ATP6V1C2: variants seen among roughly 807,000 people sequenced by gnomAD.
ATP6V1C2 encodes the protein V-type proton ATPase subunit C 2.
A neutral mutation model predicts 56.8 loss-of-function variants in ATP6V1C2; 45 were observed. The observed-to-expected ratio is 0.79, with a 90% CI of 0.62 to 1.02. The LOEUF (loss-of-function observed/expected upper bound fraction) is 1.02, where lower values mean the gene tolerates loss of function less well. ATP6V1C2 is among the 50% of genes least tolerant of loss of function. The pLI, the probability that ATP6V1C2 is intolerant of heterozygous loss-of-function variation, is 0.00. For synonymous variants in ATP6V1C2, 220 were observed against 201.3 expected, an observed-to-expected ratio of 1.09 and a Z score of -0.79; for missense variants, 463 against 519.7, an observed-to-expected ratio of 0.89 and a Z score of 1.06.
intron 2 of ATP6V1C2, among the ~76,000 whole-genome samples, chr2:10,725,854 C>G (rs1417060729): frequency 6.6e-6 from 1 of 151,644 alleles, no homozygotes; most frequent in Non-Finnish European, 1.5e-5. Context: ...CCAAGGCAGG[C>G]AGATCACCTG....
chr2:10,735,354 G>A (rs1420124799), intron 3 of ATP6V1C2, among the ~76,000 whole-genome samples: 3 of 151,974 alleles, frequency 2.0e-5, no homozygotes, highest in African/African-American at 7.3e-5. Context: ...GTTTTTAGTG[G>A]AGATGAGGTT....
rs55703662 is a variant in ATP6V1C2 at position 10,763,003 on chromosome 2, T to G, written c.284-1328T>G. 0.025 allele frequency among the ~76,000 whole-genome samples: 3,794 copies of G among 152,154 alleles called. 160 individuals are homozygous for G. The highest frequency in any genetic ancestry group is 0.087 in the African/African-American group (3,596 of 41,502). ...TGCCCTTGGTCAGCTGGAGTCTTGT[T>G]TGGTGACCCCACTGGGCGCTGCTGT... On this transcript the variant is annotated intron_variant, in intron 4 of 13. Coordinates refer to ENST00000272238, the MANE Select transcript of ATP6V1C2 (RefSeq NM_001039362.2). This position sits in a 1 kb window ranked among gnomAD's most constrained non-coding sequence, Gnocchi z 4.2.
In ATP6V1C2 at chr2:10,777,041, G is replaced by A. The variant is rs556018381; in HGVS notation, c.826-544G>A. Among the ~76,000 whole-genome samples the A allele has an allele frequency of 6.6e-5, 10 of 152,350 alleles. No homozygotes were observed. In the East Asian group the frequency reaches 1.7e-3, roughly 26 times the overall value. The stretch of plus-strand genomic sequence containing the variant: ...ACCAGAGGGACAGACCAGGCCCTGG[G>A]GTTTGAGTGTACTTTGAGAGCAGAG... On this transcript the variant is annotated intron_variant, in intron 10 of 13. Transcript: ENST00000272238.
At chr2:10,729,881 A>G (rs1461583525) in intron 3 of ATP6V1C2, among the ~76,000 whole-genome samples, 2 of 152,110 alleles carry the variant, frequency 1.3e-5, no homozygotes, top group African/African-American at 2.4e-5. Flanking sequence ...AGCATTCCCC[A>G]GGGGCTGGGT....
chr2:10,775,056 TAAG>T lies in ATP6V1C2; in HGVS notation c.814_816del (p.Lys272del). On this transcript the variant is annotated inframe_deletion, in exon 10 of 14. Transcript: ENST00000272238. The stretch of plus-strand genomic sequence containing the variant: ...AGGAGATGGCCAGATTGCTGTCTGA[TAAG>T]AAGCAACAGTATGTGAGTATGTGAT... 1 of 1,613,666 alleles carries T rather than the reference TAAG, an allele frequency of 6.2e-7. No individual in the cohort carries two copies. Among genetic ancestry groups the T allele is most frequent in the Non-Finnish European group, 8.5e-7 (1 of 1,179,718 alleles).
At chr2:10,740,577 G>A (rs1662494466) in intron 3 of ATP6V1C2, among the ~76,000 whole-genome samples, 1 of 152,188 alleles carries the variant, frequency 6.6e-6, no homozygotes, top group African/African-American at 2.4e-5. Context: ...CAAATGCTTG[G>A]GGGATTGCCC....
At chr2:10,733,709 G>A (rs780322459) in intron 3 of ATP6V1C2, among the ~76,000 whole-genome samples, 3 of 152,084 alleles carry the variant, frequency 2.0e-5, no homozygotes, top group African/African-American at 4.8e-5. Context: ...CCTGTTTTGC[G>A]GTGTTGATTG....
intron 5 of ATP6V1C2, among the ~76,000 whole-genome samples, chr2:10,766,715 T>C (rs960172743): frequency 2.0e-5 from 3 of 152,310 alleles, no homozygotes; most frequent in South Asian, 2.1e-4. Flanking sequence ...TATAGTTGTA[T>C]AGGACAGTAC....
Position 10,783,044 on chromosome 2 carries a change from T to C in ATP6V1C2, c.1195-130T>C, listed in dbSNP as rs565349294. On this transcript the variant is annotated intron_variant, in intron 13 of 13. Coordinates refer to ENST00000272238, the MANE Select transcript of ATP6V1C2 (RefSeq NM_001039362.2). The stretch of plus-strand genomic sequence containing the variant: ...ACATTAAAGCACAGCAAGGAGAGGG[T>C]TGGAGGGGTGGACCACAGCTACGCA... The C allele has an allele frequency of 1.9e-5, 12 of 641,080 alleles. 1 individual carries two copies. The highest frequency in any genetic ancestry group is 9.3e-5 in the South Asian group (5 of 54,024). 39.7% of individuals were successfully genotyped at this position (641,080 alleles called of 1,614,324 possible). A position where few individuals can be genotyped will look rare whatever the true frequency, so the allele number is the denominator to read the frequency against.
intron 3 of ATP6V1C2, among the ~76,000 whole-genome samples, chr2:10,752,621 A>G (rs1404230000): frequency 1.3e-5 from 2 of 152,238 alleles, no homozygotes; most frequent in Admixed American, 6.5e-5. Context: ...GGTTATGTCA[A>G]TATTCATAAT....
At position 10,774,934 on chromosome 2, in the gene ATP6V1C2, C is replaced by T. The variant is rs771212487; in HGVS notation, c.732-44C>T. On this transcript the variant is annotated intron_variant, in intron 9 of 13. Coordinates refer to ENST00000272238, the MANE Select transcript of ATP6V1C2 (RefSeq NM_001039362.2). ...CCCGCTGCGGGGGGTCTCTGCCCCTCTGGAAAGCTTCTGAGTGAAAACCCA... is the reference window on the plus strand; with the variant it reads ...CCCGCTGCGGGGGGTCTCTGCCCCTTTGGAAAGCTTCTGAGTGAAAACCCA... 33 of 1,611,824 alleles carry T rather than the reference C, an allele frequency of 2.0e-5. No homozygotes were observed. The East Asian group carries it at 7.1e-4, about 35-fold the overall frequency.
At position 10,768,761 on chromosome 2, in the gene ATP6V1C2, G is replaced by A. The variant is rs757975196; in HGVS notation, c.421G>A (p.Ala141Thr). The A allele has an allele frequency of 2.3e-5, 37 of 1,613,878 alleles. No homozygotes were observed. Among genetic ancestry groups the A allele is most frequent in the East Asian group, 6.7e-5 (3 of 44,888 alleles). ...GATGGACCTGAAGTCCCGAACGGCC[G>A]CCTACAACACTCTGAAGACAAACCT... Reference protein sequence around the residue: ...IEMDLKSRTAAYNTLKTNLEN... With the variant: ...IEMDLKSRTATYNTLKTNLEN... Residue 141 changes from alanine (A) to threonine (T), a missense_variant, in exon 6 of 14, where the codon GCC becomes ACC. Ala to Thr is a moderately conservative substitution (Grantham distance 58, BLOSUM62 0). Transcript: ENST00000272238.
intron 1 of ATP6V1C2, among the ~76,000 whole-genome samples, chr2:10,722,447 C>G (rs1223217540): frequency 6.6e-6 from 1 of 152,210 alleles, no homozygotes; most frequent in Non-Finnish European, 1.5e-5. Context: ...TCCACCCCAT[C>G]CTGCATCCCA....
intron 10 of ATP6V1C2, among the ~76,000 whole-genome samples, chr2:10,776,743 G>A (rs1287856761): frequency 1.3e-5 from 2 of 152,196 alleles, no homozygotes; most frequent in African/African-American, 2.4e-5. Context: ...ACCCACCTGG[G>A]CACTGGCCCA....
At chr2:10,738,892 C>T (rs1422830031) in intron 3 of ATP6V1C2, among the ~76,000 whole-genome samples, 1 of 152,176 alleles carries the variant, frequency 6.6e-6, no homozygotes, top group Non-Finnish European at 1.5e-5. Context: ...CCTGTGGGCT[C>T]CACCTCCAAA....
chr2:10,772,088 G>T lies in ATP6V1C2; in HGVS notation c.569+151G>T, dbSNP rs1358037570. On this transcript the variant is annotated intron_variant, in intron 7 of 13. Coordinates refer to ENST00000272238, the MANE Select transcript of ATP6V1C2 (RefSeq NM_001039362.2). ...ATTCCTTCATGGGGCCCTGCCTGCG[G>T]CTGTCAGTAGGGACAGTGGTTGGGT... 7.2e-6 allele frequency: 5 copies of T among 696,696 alleles called. No individual in the cohort carries two copies. The East Asian group carries it at 1.3e-4, about 18-fold the overall frequency. The allele number at this position is 696,696 out of a possible 1,614,324, so 43.2% of individuals were successfully genotyped here. A position where few individuals can be genotyped will look rare whatever the true frequency, so the allele number is the denominator to read the frequency against.
intron 4 of ATP6V1C2, among the ~76,000 whole-genome samples, chr2:10,755,086 C>T (rs527581160): frequency 2.0e-5 from 3 of 152,106 alleles, no homozygotes; most frequent in South Asian, 2.1e-4. Context: ...GGCACAATCT[C>T]GGCTCACCGC....
At chr2:10,722,292 C>T (rs989405338) in intron 1 of ATP6V1C2, among the ~76,000 whole-genome samples, 15 of 152,106 alleles carry the variant, frequency 9.9e-5, no homozygotes, top group Non-Finnish European at 8.8e-5. Flanking sequence ...TTCCCCTCAC[C>T]CCCTACTACT....
chr2:10,736,527 T>C (rs1662253820), intron 3 of ATP6V1C2, among the ~76,000 whole-genome samples: 1 of 152,208 alleles, frequency 6.6e-6, no homozygotes. Context: ...GTTTACCTAG[T>C]TTGCTTTTAA....
Sources: gnomAD v4.1 joint callset for allele counts (sites outside exome capture counted in the v4.1 genomes callset) on GRCh38, gnomAD v4.1.1 for gene constraint, Gnocchi (gnomAD v3.1) non-coding constraint, MANE v1.5 for transcripts, NCBI Gene and HGNC (gene_info 2026-07-23, HGNC 2026-07-21) for gene names.